SCG3: variants seen among roughly 807,000 people sequenced by gnomAD.
SCG3 encodes the protein secretogranin III, also known as secretogranin-3.
Under a neutral mutation model 56.2 loss-of-function variants are expected in SCG3, and 38 were observed. The observed-to-expected ratio is 0.68, with a 90% CI of 0.52 to 0.89. The LOEUF is 0.89. Ranked by LOEUF, SCG3 falls within the 40% of genes least tolerant of loss-of-function variation. The pLI, the probability that SCG3 is intolerant of heterozygous loss-of-function variation, is 0.00. For synonymous variants in SCG3, 176 were observed against 184.2 expected (o/e 0.96, Z 0.36); for missense variants, 524 against 540.7 (o/e 0.97, Z 0.31).
At chr15:51,682,614 GTTA>G (rs1335140277) in intron 2 of SCG3, 45 bp downstream of exon 2, 2 of 1,071,550 alleles carry the variant, frequency 1.9e-6, no homozygotes, top group Admixed American at 2.7e-5. Context: ...TTTTGATTTA[GTTA>G]TTATTATTTA....
chr15:51,701,064 A>T (rs541428425), intron 9 of SCG3, 43 bp from the exon 10 acceptor site: 1 of 1,604,922 alleles, frequency 6.2e-7, no homozygotes, highest in South Asian at 1.1e-5. Flanking sequence ...CAATTAATAG[A>T]TAGGAAACAG....
At chr15:51,685,040 C>G (rs1053356302) in intron 4 of SCG3, among the ~76,000 whole-genome samples, 2 of 152,180 alleles carry the variant, frequency 1.3e-5, no homozygotes, top group African/African-American at 4.8e-5. Flanking sequence ...TGTTGATTAT[C>G]TCTGCCAGAA....
intron 4 of SCG3, among the ~76,000 whole-genome samples, chr15:51,684,319 C>A (rs1206600363): frequency 1.3e-5 from 2 of 152,234 alleles, no homozygotes; most frequent in Non-Finnish European, 2.9e-5. Context: ...CTCTCCCCAA[C>A]TCATTCTTCA....
chr15:51,702,317 C>T (rs2055344955), intron 10 of SCG3, among the ~76,000 whole-genome samples: 1 of 152,066 alleles, frequency 6.6e-6, no homozygotes, highest in African/African-American at 2.4e-5. Flanking sequence ...AGTACAGTGG[C>T]ACGATCTCAG....
chr15:51,715,377 G>A (rs1384943678), intron 11 of SCG3, among the ~76,000 whole-genome samples: 1 of 152,054 alleles, frequency 6.6e-6, no homozygotes, highest in Non-Finnish European at 1.5e-5. Flanking sequence ...GGGTCCTAGG[G>A]TCATGCAGTG....
intron 3 of SCG3, 24 bp from the exon 4 acceptor site, chr15:51,683,195 T>C: frequency 6.2e-7 from 1 of 1,607,712 alleles, no homozygotes; most frequent in Non-Finnish European, 8.5e-7. Flanking sequence ...AATGGCTGTG[T>C]TGGGTTTGGG....
At chr15:51,707,835 G>A (rs558173038) in intron 10 of SCG3, among the ~76,000 whole-genome samples, 2 of 152,264 alleles carry the variant, frequency 1.3e-5, no homozygotes, top group African/African-American at 4.8e-5. Context: ...GTTCAAAAGT[G>A]CAATCATGTA....
chr15:51,717,165 C>T (rs28876142), intron 11 of SCG3, among the ~76,000 whole-genome samples: 33,923 of 151,904 alleles, frequency 0.22, 4,384 homozygotes, highest in Non-Finnish European at 0.28. Flanking sequence ...GTCAGGAGTT[C>T]GAGACCATCC....
In SCG3 at chr15:51,681,652, AC is replaced by A. The variant is rs1322615906; in HGVS notation, c.-101del. On this transcript the variant is annotated 5_prime_UTR_variant, in exon 1 of 12. Coordinates refer to ENST00000220478, the MANE Select transcript of SCG3 (RefSeq NM_013243.4). ...CCGGCCCCTCTCCCGCCCCACACCCACCCTCCTGGCTCTTCCTGTTTTTACT... is the reference window on the plus strand; with the variant it reads ...CCGGCCCCTCTCCCGCCCCACACCCACCTCCTGGCTCTTCCTGTTTTTACT... 10 of 416,600 alleles carry A rather than the reference AC, an allele frequency of 2.4e-5. No homozygotes were observed. In the Admixed American group the frequency reaches 2.6e-4, roughly 11 times the overall value. 25.8% of individuals were successfully genotyped at this position (416,600 alleles called of 1,614,324 possible).
chr15:51,718,294 TAA>T (rs2055472523), intron 11 of SCG3, among the ~76,000 whole-genome samples: 1 of 152,108 alleles, frequency 6.6e-6, no homozygotes, highest in African/African-American at 2.4e-5. Flanking sequence ...GTGATGGCTG[TAA>T]AGTGTCCAGT....
intron 7 of SCG3, 53 bp downstream of exon 7, chr15:51,692,389 A>T (rs1231080918): frequency 6.7e-7 from 1 of 1,491,782 alleles, no homozygotes; most frequent in East Asian, 2.3e-5. Context: ...ATTCCAGGAA[A>T]TGTATGGGTG....
chr15:51,691,686 C>G (rs187697863), intron 6 of SCG3, among the ~76,000 whole-genome samples: 22 of 152,300 alleles, frequency 1.4e-4, no homozygotes, highest in Admixed American at 5.2e-4. Flanking sequence ...TTTGTACACT[C>G]ATCCAGACAG....
At chr15:51,704,902 A>G (rs1413288921) in intron 10 of SCG3, among the ~76,000 whole-genome samples, 1 of 150,738 alleles carries the variant, frequency 6.6e-6, no homozygotes, top group East Asian at 1.9e-4. Flanking sequence ...GAACCACCAT[A>G]CTGTTTTCTG....
At chr15:51,684,500 C>T (rs2038432062) in intron 4 of SCG3, among the ~76,000 whole-genome samples, 1 of 152,182 alleles carries the variant, frequency 6.6e-6, no homozygotes, top group Non-Finnish European at 1.5e-5. Flanking sequence ...TCACTTGAAC[C>T]CAGGAGACAA....
intron 6 of SCG3, among the ~76,000 whole-genome samples, chr15:51,691,705 C>A (rs753302146): frequency 6.6e-5 from 10 of 152,194 alleles, no homozygotes; most frequent in Admixed American, 1.3e-4. Flanking sequence ...AGCACTTAAA[C>A]TTTACCCAAA....
intron 9 of SCG3, among the ~76,000 whole-genome samples, chr15:51,700,094 C>A (rs1166336787): frequency 6.6e-6 from 1 of 152,160 alleles, no homozygotes; most frequent in Non-Finnish European, 1.5e-5. Flanking sequence ...AAATTATATA[C>A]ATATTCTTGA....
intron 11 of SCG3, among the ~76,000 whole-genome samples, chr15:51,714,810 T>C (rs1007205191): frequency 6.6e-6 from 1 of 152,256 alleles, no homozygotes; most frequent in African/African-American, 2.4e-5. Flanking sequence ...TAATTATCGA[T>C]GTTCATGCAT....
chr15:51,691,504 A>G (rs1464244336), intron 6 of SCG3, among the ~76,000 whole-genome samples: 1 of 152,106 alleles, frequency 6.6e-6, no homozygotes, highest in African/African-American at 2.4e-5. Flanking sequence ...AAATGTGCAA[A>G]TTTGGGATAA....
chr15:51,709,714 T>TATTA (rs1220768506), intron 10 of SCG3, among the ~76,000 whole-genome samples: 4 of 49,140 alleles, frequency 8.1e-5, no homozygotes, highest in African/African-American at 3.3e-4. Context: ...TTTTTTTTTT[T>TATTA]TTTTTTTTTT....
Sources: allele counts gnomAD v4.1 joint callset (sites outside exome capture counted in the v4.1 genomes callset), GRCh38; gene constraint gnomAD v4.1.1; transcripts MANE v1.5; gene names NCBI Gene and HGNC (gene_info 2026-07-23, HGNC 2026-07-21).